The following GLRA1 variants were observed in gnomAD, a reference collection of about 807,000 sequenced individuals.
GLRA1 encodes glycine receptor subunit alpha-1.
GLRA1 carries 37 observed loss-of-function variants against 48.3 expected under a neutral mutation model. The ratio of observed to expected loss-of-function variants is 0.77; its 90% confidence interval spans 0.59 to 1.01. The LOEUF is 1.01. Ranked by LOEUF, GLRA1 falls within the 50% of genes least tolerant of loss-of-function variation. The pLI, the probability that GLRA1 is intolerant of heterozygous loss-of-function variation, is 0.00. For missense variants in GLRA1, 427 were observed against 571.0 expected, an observed-to-expected ratio of 0.75 and a Z score of 2.57; for synonymous variants, 196 against 210.7, an observed-to-expected ratio of 0.93 and a Z score of 0.60.
chr5:151,887,400 T>A (rs919628768), intron 2 of GLRA1, among the ~76,000 whole-genome samples: 1 of 152,242 alleles, frequency 6.6e-6, no homozygotes, highest in African/African-American at 2.4e-5. Context: ...TGTTGTCTCA[T>A]TGAAGCCCAA....
intron 1 of GLRA1, among the ~76,000 whole-genome samples, chr5:151,894,024 A>G (rs1754167870): frequency 6.6e-6 from 1 of 152,174 alleles, no homozygotes; most frequent in Non-Finnish European, 1.5e-5. Flanking sequence ...GCTTTGGGCA[A>G]CTGAGCTTTC....
chr5:151,833,461 A>T (rs541116898), intron 7 of GLRA1, among the ~76,000 whole-genome samples: 1 of 151,448 alleles, frequency 6.6e-6, no homozygotes, highest in East Asian at 1.9e-4. Context: ...GGATATATAT[A>T]TATATATTTT....
chr5:151,865,179 CAAGA>C (rs1331724954), intron 3 of GLRA1, among the ~76,000 whole-genome samples: 2 of 152,106 alleles, frequency 1.3e-5, no homozygotes, highest in Non-Finnish European at 2.9e-5. Context: ...CCACTGAGAA[CAAGA>C]AAGATATATT....
At chr5:151,870,729 G>A (rs567746565) in intron 3 of GLRA1, among the ~76,000 whole-genome samples, 1 of 149,688 alleles carries the variant, frequency 6.7e-6, no homozygotes, top group African/African-American at 2.6e-5. Flanking sequence ...TTAGAAGGAG[G>A]GCTTCTGTGT....
In GLRA1 at chr5:151,898,010, C is replaced by A. The variant is rs193280932; in HGVS notation, c.57-5572G>T. On this transcript the variant is annotated intron_variant, in intron 1 of 8. Coordinates refer to ENST00000274576, the MANE Select transcript of GLRA1 (RefSeq NM_000171.4). The stretch of plus-strand genomic sequence containing the variant: ...GGACCTCAGATGTTACTTCTAATGA[C>A]AGAGACCATGCAAAGCTCCAGGAGT... Among the ~76,000 whole-genome samples the A allele has an allele frequency of 5.9e-5, 9 of 152,238 alleles. No individual in the cohort carries two copies. In the East Asian group the frequency reaches 1.7e-3, roughly 29 times the overall value.
At chr5:151,893,363 T>TCTTTCTTTC (rs1413516168) in intron 1 of GLRA1, among the ~76,000 whole-genome samples, 1 of 149,980 alleles carries the variant, frequency 6.7e-6, no homozygotes, top group South Asian at 2.1e-4. Flanking sequence ...TTTCTTTCAT[T>TCTTTCTTTC]TTAGTTCTGG....
chr5:151,903,105 G>A (rs751314063), intron 1 of GLRA1, among the ~76,000 whole-genome samples: 2 of 152,196 alleles, frequency 1.3e-5, no homozygotes, highest in Non-Finnish European at 2.9e-5. Flanking sequence ...TGGACCCATA[G>A]GAAATGCATC....
At chr5:151,899,754 C>G (rs1180510135) in intron 1 of GLRA1, among the ~76,000 whole-genome samples, 1 of 152,080 alleles carries the variant, frequency 6.6e-6, no homozygotes, top group Non-Finnish European at 1.5e-5. Flanking sequence ...CTGTCACTGT[C>G]ACTTCATGAT....
chr5:151,824,496 A>T (rs1040810707), intron 8 of GLRA1, among the ~76,000 whole-genome samples: 1 of 152,176 alleles, frequency 6.6e-6, no homozygotes, highest in African/African-American at 2.4e-5. Flanking sequence ...TGCCATTTCT[A>T]TCTGGTGTTC....
At chr5:151,902,361 A>G (rs972473758) in intron 1 of GLRA1, among the ~76,000 whole-genome samples, 7 of 151,900 alleles carry the variant, frequency 4.6e-5, no homozygotes, top group Admixed American at 3.3e-4. Context: ...CCCAGAACCA[A>G]TCACGGTACG....
intron 3 of GLRA1, among the ~76,000 whole-genome samples, chr5:151,883,164 C>A (rs1753800541): frequency 6.6e-6 from 1 of 152,166 alleles, no homozygotes; most frequent in African/African-American, 2.4e-5. Context: ...ACCCTCAAGG[C>A]AGTACATCAT....
intron 1 of GLRA1, among the ~76,000 whole-genome samples, chr5:151,899,780 G>A (rs2071274013): frequency 6.6e-6 from 1 of 152,058 alleles, no homozygotes; most frequent in Non-Finnish European, 1.5e-5. Flanking sequence ...AAGCACCCCT[G>A]GGAACAGAAT....
At position 151,919,826 on chromosome 5, in the gene GLRA1, G is replaced by T. The variant is rs189258519; in HGVS notation, c.56+4668C>A. ...AAGCCTCTTTGTTTAATGCGAACCTGCAGAATAGTTTCAAGATGGCCAGGC... is the reference window on the plus strand; with the variant it reads ...AAGCCTCTTTGTTTAATGCGAACCTTCAGAATAGTTTCAAGATGGCCAGGC... On this transcript the variant is annotated intron_variant, in intron 1 of 8. Transcript: ENST00000274576. 2.6e-5 allele frequency among the ~76,000 whole-genome samples: 4 copies of T among 152,356 alleles called. No individual in the cohort carries two copies. The East Asian group carries it at 7.7e-4, about 29-fold the overall frequency.
At chr5:151,875,587 A>G (rs1439363665) in intron 3 of GLRA1, 1 of 152,220 alleles carries the variant, frequency 6.6e-6, no homozygotes, top group Non-Finnish European at 1.5e-5. Context: ...ACAAGTTCTT[A>G]TAGGACTGGA....
At chr5:151,884,173 A>G (rs1193690649) in intron 3 of GLRA1, among the ~76,000 whole-genome samples, 6 of 152,168 alleles carry the variant, frequency 3.9e-5, no homozygotes, top group Admixed American at 1.3e-4. Flanking sequence ...TCACGTCTGT[A>G]ATCCCAACAC....
intron 3 of GLRA1, among the ~76,000 whole-genome samples, chr5:151,884,360 C>T (rs1289360288): frequency 6.6e-6 from 1 of 152,012 alleles, no homozygotes; most frequent in African/African-American, 2.4e-5. Context: ...ACCCAGGAGG[C>T]AGAGTTTGCA....
intron 1 of GLRA1, among the ~76,000 whole-genome samples, chr5:151,895,948 T>G (rs930583038): frequency 6.6e-6 from 1 of 152,138 alleles, no homozygotes; most frequent in African/African-American, 2.4e-5. Context: ...CCGTACTCTC[T>G]CCAGCCCCTC....
At chr5:151,834,558 TAAAAG>T (rs1350083523) in intron 7 of GLRA1, among the ~76,000 whole-genome samples, 8 of 151,624 alleles carry the variant, frequency 5.3e-5, no homozygotes, top group Admixed American at 4.6e-4. Context: ...ACATCAGAAT[TAAAAG>T]AACTAGAAAA....
At chr5:151,866,315 A>G (rs1289662366) in intron 3 of GLRA1, among the ~76,000 whole-genome samples, 1 of 152,206 alleles carries the variant, frequency 6.6e-6, no homozygotes, top group Non-Finnish European at 1.5e-5. Context: ...TTCCACAGAC[A>G]TTTATTGAGG....
Sources: allele counts gnomAD v4.1 joint callset (sites outside exome capture counted in the v4.1 genomes callset), GRCh38; gene constraint gnomAD v4.1.1; transcripts MANE v1.5; gene names NCBI Gene and HGNC (gene_info 2026-07-23, HGNC 2026-07-21).